Variants in DNAAF11 observed in about 807,000 individuals in gnomAD.
DNAAF11 encodes the protein dynein axonemal assembly factor 11.
A neutral mutation model predicts 60.8 loss-of-function variants in DNAAF11; 45 were observed. The observed-to-expected ratio is 0.74, with a 90% CI of 0.58 to 0.95. DNAAF11 has a LOEUF of 0.95. DNAAF11 is among the 40% of genes least tolerant of loss of function. The pLI is 0.00. For synonymous variants in DNAAF11, 191 were observed against 183.5 expected, an observed-to-expected ratio of 1.04 and a Z score of -0.33; for missense variants, 546 against 546.2, an observed-to-expected ratio of 1.00 and a Z score of 0.00.
chr8:132,675,433 A>G lies in DNAAF11; in HGVS notation c.10+51T>C, dbSNP rs188773730. 5.1e-4 allele frequency: 791 copies of G among 1,543,480 alleles called. 3 individuals are homozygous for G. The highest frequency in any genetic ancestry group is 4.3e-5 in the Non-Finnish European group (49 of 1,138,122). On this transcript the variant is annotated intron_variant, in intron 1 of 11. Transcript: ENST00000620350. ...CGGCGAGGATCCCACGAGACCCGGGACTACTTCCACAAGGGGAACGATCGA... is the reference window on the plus strand; with the variant it reads ...CGGCGAGGATCCCACGAGACCCGGGGCTACTTCCACAAGGGGAACGATCGA...
At chr8:132,638,552 T>G (rs747031974) in intron 3 of DNAAF11, among the ~76,000 whole-genome samples, 2 of 152,142 alleles carry the variant, frequency 1.3e-5, no homozygotes, top group Non-Finnish European at 2.9e-5. Flanking sequence ...TGGAGGGTGA[T>G]AGTGGAAAGA....
upstream of DNAAF11, among the ~76,000 whole-genome samples, chr8:132,678,262 C>T (rs977051597): frequency 5.9e-5 from 9 of 152,294 alleles, no homozygotes; most frequent in Admixed American, 2.0e-4. Flanking sequence ...CCCTAGACTG[C>T]GTGTTGCCAC....
chr8:132,613,861 C>T (rs1482641653), intron 8 of DNAAF11, among the ~76,000 whole-genome samples: 2 of 152,110 alleles, frequency 1.3e-5, no homozygotes, highest in Non-Finnish European at 2.9e-5. Flanking sequence ...AAATGGGGCA[C>T]ATCAAAAGCC....
At chr8:132,682,462 A>G in the DNAAF11 span, among the ~76,000 whole-genome samples, 1 of 152,232 alleles carries the variant, frequency 6.6e-6, no homozygotes. Context: ...CAAGGAACAG[A>G]AAAATCATCC....
At chr8:132,625,873 A>C (rs1030364413) in intron 5 of DNAAF11, among the ~76,000 whole-genome samples, 10 of 152,180 alleles carry the variant, frequency 6.6e-5, no homozygotes, top group Non-Finnish European at 1.0e-4. Flanking sequence ...ATTTTGCAGG[A>C]GATTCTGATG....
chr8:132,675,131 G>A, intron 1 of DNAAF11: 1 of 305,866 alleles, frequency 3.3e-6, no homozygotes, highest in East Asian at 5.3e-5. Context: ...CACGTTCACA[G>A]CCAGTAAGGA....
chr8:132,659,093 C>T (rs990048256), intron 2 of DNAAF11, among the ~76,000 whole-genome samples: 1 of 152,136 alleles, frequency 6.6e-6, no homozygotes, highest in African/African-American at 2.4e-5. Context: ...GGGTTGATTC[C>T]AGGAGCCCAC....
rs1302603799 is a variant in DNAAF11, at chr8:132,571,686, C to T, written c.*620G>A. Among the ~76,000 whole-genome samples, 2 of 152,086 alleles carry T rather than the reference C, an allele frequency of 1.3e-5. No homozygotes were observed. The highest frequency in any genetic ancestry group is 4.8e-5 in the African/African-American group (2 of 41,408). The stretch of plus-strand genomic sequence containing the variant: ...TTTCTGCAGTTTATCTTGAGACAAA[C>T]CTGTGAGGCAAGTGTTATTATTCCC... On this transcript the variant is annotated 3_prime_UTR_variant, in exon 12 of 12. Transcript: ENST00000620350.
intron 11 of DNAAF11, among the ~76,000 whole-genome samples, chr8:132,580,942 A>G (rs138085875): frequency 1.3e-5 from 2 of 152,358 alleles, no homozygotes; most frequent in East Asian, 3.9e-4. Flanking sequence ...TATAAAACTC[A>G]TAAGACTATG....
intron 1 of DNAAF11, among the ~76,000 whole-genome samples, chr8:132,665,497 G>A (rs1824544300): frequency 6.6e-6 from 1 of 151,332 alleles, no homozygotes; most frequent in Admixed American, 6.6e-5. Context: ...AAAAAAAAAA[G>A]CTCCACATCA....
the DNAAF11 span, among the ~76,000 whole-genome samples, chr8:132,684,064 C>A: frequency 6.6e-6 from 1 of 152,156 alleles, no homozygotes; most frequent in Non-Finnish European, 1.5e-5. Flanking sequence ...TTGCCTATTG[C>A]AAGCTTTGGT....
chr8:132,622,377 G>A (rs887883697), intron 7 of DNAAF11, among the ~76,000 whole-genome samples: 2 of 152,126 alleles, frequency 1.3e-5, no homozygotes, highest in African/African-American at 4.8e-5. Flanking sequence ...AAATAACTAA[G>A]ATCTCCATAT....
the DNAAF11 span, among the ~76,000 whole-genome samples, chr8:132,691,996 C>T: frequency 1.3e-5 from 2 of 152,032 alleles, no homozygotes; most frequent in African/African-American, 4.8e-5. Context: ...AGAAACAAAC[C>T]CATGGTCTAA....
intron 11 of DNAAF11, among the ~76,000 whole-genome samples, chr8:132,573,448 C>T (rs922781035): frequency 2.1e-4 from 32 of 152,172 alleles, no homozygotes; most frequent in African/African-American, 6.5e-4. Context: ...CACTCTCATA[C>T]ACCTGTTTCA....
At chr8:132,695,737 CG>C in the DNAAF11 span, among the ~76,000 whole-genome samples, 44,436 of 151,770 alleles carry the variant, frequency 0.29, 6,760 homozygotes, top group East Asian at 0.38. Context: ...AAGAAAGGCC[CG>C]GATGTGTGTT....
the DNAAF11 span, among the ~76,000 whole-genome samples, chr8:132,694,407 T>G: frequency 1.3e-5 from 2 of 152,056 alleles, no homozygotes; most frequent in African/African-American, 4.8e-5. Flanking sequence ...GATGTGAAGA[T>G]GCAGGGAGAA....
At chr8:132,681,683 G>T in the DNAAF11 span, among the ~76,000 whole-genome samples, 1 of 152,264 alleles carries the variant, frequency 6.6e-6, no homozygotes, top group Non-Finnish European at 1.5e-5. Context: ...TAGTAATCAA[G>T]TGGAAGTAGA....
Position 132,661,589 on chromosome 8 carries a change from C to T in DNAAF11, c.49G>A (p.Asp17Asn), listed in dbSNP as rs911389891. 1.7e-5 allele frequency: 27 copies of T among 1,613,940 alleles called. No homozygotes were observed. The highest frequency in any genetic ancestry group is 2.2e-5 in the Non-Finnish European group (26 of 1,179,996). ...TCCTCCAGGGAAAAAATGACACAGT[C>T]GTTGTGTTCAGCATTCCGTCTAATA... ...DLIRRNAEHNDCVIFSLEELS... is the reference protein window; with the variant it reads ...DLIRRNAEHNNCVIFSLEELS... The change falls in exon 2 of 12, where the codon GAC (aspartate) becomes AAC (asparagine). Residue 17 changes from aspartate (D) to asparagine (N), a missense_variant. Asp to Asn is a conservative substitution (Grantham distance 23). Coordinates refer to ENST00000620350, the MANE Select transcript of DNAAF11 (RefSeq NM_012472.6).
chr8:132,696,117 G>A, the DNAAF11 span, among the ~76,000 whole-genome samples: 1 of 152,154 alleles, frequency 6.6e-6, no homozygotes, highest in Non-Finnish European at 1.5e-5. Flanking sequence ...GCCTAACTTG[G>A]GGTTAGGATA....
Sources: allele counts gnomAD v4.1 joint callset (sites outside exome capture counted in the v4.1 genomes callset), GRCh38; gene constraint gnomAD v4.1.1; transcripts MANE v1.5; gene names NCBI Gene and HGNC (gene_info 2026-07-23, HGNC 2026-07-21).